Variants in PHC2 observed in about 807,000 individuals in gnomAD.
PHC2 encodes polyhomeotic homolog 2, also known as polyhomeotic-like protein 2.
A neutral mutation model predicts 87.4 loss-of-function variants in PHC2; 29 were observed. That is an observed-to-expected ratio of 0.33 (90% CI 0.25 to 0.45). PHC2 has a LOEUF of 0.45. Ranked by LOEUF, PHC2 falls within the 20% of genes least tolerant of loss-of-function variation. The pLI is 1.00. For missense variants in PHC2, 857 were observed against 1,136.7 expected (o/e 0.75, Z 3.54); for synonymous variants, 438 against 461.7 (o/e 0.95, Z 0.66).
intron 7 of PHC2, among the ~76,000 whole-genome samples, chr1:33,361,730 T>TC (rs1277127393): frequency 1.3e-5 from 2 of 152,188 alleles, no homozygotes; most frequent in African/African-American, 4.8e-5. Flanking sequence ...TGGCGATCAG[T>TC]TCAGCCTCAT....
chr1:33,373,049 C>T (rs562605865), intron 2 of PHC2, among the ~76,000 whole-genome samples: 79 of 152,338 alleles, frequency 5.2e-4, no homozygotes, highest in African/African-American at 1.8e-3. Context: ...CCCATCAATC[C>T]CTTAGAATAA....
In PHC2 at chr1:33,368,641, A is replaced by G; in HGVS notation, c.577-19T>C. The stretch of plus-strand genomic sequence containing the variant: ...AGATGAGCTGAGGGGACAAAGGAAC[A>G]GTGCCGCCTAGGCTCCTAGCTACCT... On this transcript the variant is annotated intron_variant, in intron 5 of 14. Coordinates refer to ENST00000683057, the MANE Select transcript of PHC2 (RefSeq NM_001385109.1). The surrounding 1 kb of genome is among the most constrained non-coding windows in gnomAD (Gnocchi z 6.6). The G allele has an allele frequency of 6.5e-7, 1 of 1,528,540 alleles. No homozygotes were observed. Among genetic ancestry groups the G allele is most frequent in the Non-Finnish European group, 8.9e-7 (1 of 1,126,028 alleles). The allele number at this position is 1,528,540 out of a possible 1,614,324, so 94.7% of individuals were successfully genotyped here.
At chr1:33,361,779 A>C (rs1308081958) in intron 7 of PHC2, among the ~76,000 whole-genome samples, 3 of 152,244 alleles carry the variant, frequency 2.0e-5, no homozygotes, top group African/African-American at 7.2e-5. Context: ...AAGCCAAAAC[A>C]AGAGGAAGTC....
chr1:33,377,625 A>G (rs1358338078), intron 1 of PHC2, among the ~76,000 whole-genome samples: 4 of 151,960 alleles, frequency 2.6e-5, no homozygotes, highest in African/African-American at 9.7e-5. Flanking sequence ...CTACATGGAA[A>G]AATAATATTT....
chr1:33,416,572 T>C (rs1570514677), intron 1 of PHC2, among the ~76,000 whole-genome samples: 3 of 104,006 alleles, frequency 2.9e-5, no homozygotes, highest in East Asian at 2.9e-4. Flanking sequence ...TGAGATTCTG[T>C]CTCAAAAAAA....
At position 33,349,747 on chromosome 1, in the gene PHC2, A is replaced by G; in HGVS notation, c.1558+4654T>C. The G allele has an allele frequency of 1.0e-6, 1 of 990,380 alleles. No individual in the cohort carries two copies. Among genetic ancestry groups the G allele is most frequent in the South Asian group, 4.2e-5 (1 of 23,798 alleles). The allele number at this position is 990,380 out of a possible 1,614,324, so 61.3% of individuals were successfully genotyped here. ...GCCCGGGGCTGCCGCGGCGCATCCGACCGCACCGGCCTGGCCGGCGTCAAC... is the reference window on the plus strand; with the variant it reads ...GCCCGGGGCTGCCGCGGCGCATCCGGCCGCACCGGCCTGGCCGGCGTCAAC... On this transcript the variant is annotated intron_variant, in intron 9 of 14. Coordinates refer to ENST00000683057, the MANE Select transcript of PHC2 (RefSeq NM_001385109.1). This position sits in a 1 kb window ranked among gnomAD's most constrained non-coding sequence, Gnocchi z 4.2.
intron 9 of PHC2, chr1:33,346,526 G>T (rs1445711048): frequency 1.0e-6 from 1 of 985,184 alleles, no homozygotes; most frequent in South Asian, 4.7e-5. Flanking sequence ...ATTAAATATT[G>T]AACAGCTGGG....
intron 1 of PHC2, among the ~76,000 whole-genome samples, chr1:33,427,249 G>A (rs1650710661): frequency 6.6e-6 from 1 of 152,188 alleles, no homozygotes; most frequent in African/African-American, 2.4e-5. Context: ...CTAGCACATA[G>A]TGAGCACTCA....
rs547734759 is a variant in PHC2, at chr1:33,323,751, A to C, written c.*1114T>G. The C allele has an allele frequency of 2.0e-5, 3 of 152,686 alleles. No homozygotes were observed. The highest frequency in any genetic ancestry group is 4.4e-5 in the Non-Finnish European group (3 of 68,046). The allele number at this position is 152,686 out of a possible 1,614,324, so 9.5% of individuals were successfully genotyped here. A position where few individuals can be genotyped will look rare whatever the true frequency, so the allele number is the denominator to read the frequency against. The stretch of plus-strand genomic sequence containing the variant: ...AGAAAGGTGCCTACCTCCTTCCTGC[A>C]AAGGACACGGCAGGTCAGAGGCAGG... On this transcript the variant is annotated 3_prime_UTR_variant, in exon 15 of 15. Coordinates refer to ENST00000683057, the MANE Select transcript of PHC2 (RefSeq NM_001385109.1).
chr1:33,335,573 T>C (rs1026273570), intron 9 of PHC2, among the ~76,000 whole-genome samples: 3 of 152,250 alleles, frequency 2.0e-5, no homozygotes, highest in African/African-American at 7.2e-5. Context: ...CTTAATTATA[T>C]AGTATGGAAA....
chr1:33,338,541 A>G (rs925516116), intron 9 of PHC2, among the ~76,000 whole-genome samples: 5 of 152,214 alleles, frequency 3.3e-5, no homozygotes, highest in African/African-American at 9.6e-5. Context: ...ACCGAACACA[A>G]TCTCGCCCCC....
intron 7 of PHC2, among the ~76,000 whole-genome samples, chr1:33,359,968 A>G (rs1263795070): frequency 3.9e-5 from 6 of 152,200 alleles, no homozygotes; most frequent in Non-Finnish European, 7.3e-5. Context: ...ATCCCTAAAG[A>G]TGTCTCATGT....
chr1:33,372,500 C>A (rs1195981771), intron 2 of PHC2, 53 bp from the exon 3 acceptor site: 4 of 1,438,236 alleles, frequency 2.8e-6, no homozygotes, highest in East Asian at 2.5e-5. Flanking sequence ...ACACAGAACA[C>A]CCCTTTGGCA....
chr1:33,407,763 G>A (rs981187646), intron 1 of PHC2, among the ~76,000 whole-genome samples: 5 of 152,118 alleles, frequency 3.3e-5, no homozygotes, highest in African/African-American at 1.2e-4. Context: ...CTAAGAGATA[G>A]TATTTTTATT....
At position 33,369,412 on chromosome 1, in the gene PHC2, C is replaced by T. The variant is rs145956378; in HGVS notation, c.577-790G>A. 1.5e-4 allele frequency among the ~76,000 whole-genome samples: 23 copies of T among 152,294 alleles called. 1 individual carries two copies. In the South Asian group the frequency reaches 2.9e-3, roughly 19 times the overall value. On this transcript the variant is annotated intron_variant, in intron 5 of 14. Coordinates refer to ENST00000683057, the MANE Select transcript of PHC2 (RefSeq NM_001385109.1). This position sits in a 1 kb window ranked among gnomAD's most constrained non-coding sequence, Gnocchi z 4.7. The stretch of plus-strand genomic sequence containing the variant: ...GAGGGAGGCAGACAGGCAGGCATCA[C>T]GACCCCAGTGGAGTAGGACATAGGG...
At chr1:33,398,872 A>G (rs1649401378) in intron 1 of PHC2, among the ~76,000 whole-genome samples, 1 of 152,188 alleles carries the variant, frequency 6.6e-6, no homozygotes, top group South Asian at 2.1e-4. Flanking sequence ...TGACCCAGAC[A>G]TTGACCATGA....
At chr1:33,384,991 C>A (rs1648667832) in intron 1 of PHC2, among the ~76,000 whole-genome samples, 1 of 152,144 alleles carries the variant, frequency 6.6e-6, no homozygotes, top group Non-Finnish European at 1.5e-5. Context: ...TGAGAAGGGA[C>A]CTTTGAAACT....
intron 7 of PHC2, among the ~76,000 whole-genome samples, chr1:33,361,517 T>C (rs1647194245): frequency 6.6e-6 from 1 of 152,092 alleles, no homozygotes; most frequent in Non-Finnish European, 1.5e-5. Context: ...ATTTTTGTAG[T>C]TTTAGTAGAG....
intron 1 of PHC2, among the ~76,000 whole-genome samples, chr1:33,406,872 CTCTT>C (rs10618558): frequency 0.14 from 20,908 of 152,022 alleles, 2,499 homozygotes; most frequent in African/African-American, 0.33. Context: ...TCCCAAAACT[CTCTT>C]TCCTTATCTT....
Sources: gnomAD v4.1 joint callset for allele counts (sites outside exome capture counted in the v4.1 genomes callset) on GRCh38, gnomAD v4.1.1 for gene constraint, Gnocchi (gnomAD v3.1) non-coding constraint, MANE v1.5 for transcripts, NCBI Gene and HGNC (gene_info 2026-07-23, HGNC 2026-07-21) for gene names.